The following KCNAB2 variants were observed in gnomAD, a reference collection of about 807,000 sequenced individuals.
The protein encoded by KCNAB2 is voltage-gated potassium channel subunit beta-2.
KCNAB2 carries 29 observed loss-of-function variants against 63.6 expected under a neutral mutation model. The observed-to-expected ratio is 0.46, with a 90% CI of 0.34 to 0.62. KCNAB2 has a LOEUF of 0.62. KCNAB2 is among the 20% of genes least tolerant of loss of function. The pLI, the probability that KCNAB2 is intolerant of heterozygous loss-of-function variation, is 0.01. For missense variants in KCNAB2, 359 were observed against 563.9 expected (o/e 0.64, Z 3.68); for synonymous variants, 222 against 224.2 (o/e 0.99, Z 0.09).
At chr1:6,057,925 T>C (rs1030014001) in intron 2 of KCNAB2, among the ~76,000 whole-genome samples, 1 of 152,140 alleles carries the variant, frequency 6.6e-6, no homozygotes. Context: ...CTGAGGCAAG[T>C]GGATCACTTG....
intron 9 of KCNAB2, among the ~76,000 whole-genome samples, chr1:6,090,989 C>A (rs1164268130): frequency 6.6e-6 from 1 of 152,222 alleles, no homozygotes; most frequent in Non-Finnish European, 1.5e-5. Context: ...GCGATCTCAG[C>A]CCCCTCCGCT....
rs1010941011 is a variant in KCNAB2, at chr1:6,087,538, C to T, written c.470+27C>T. ...TAGGTGCAACAGCTGGCGATGCTTCCAGCCCCGGCCCAGCAGCCACGGCCC... is the reference window on the plus strand; with the variant it reads ...TAGGTGCAACAGCTGGCGATGCTTCTAGCCCCGGCCCAGCAGCCACGGCCC... On this transcript the variant is annotated intron_variant, in intron 7 of 15. Transcript: ENST00000378083. The surrounding 1 kb of genome is among the most constrained non-coding windows in gnomAD (Gnocchi z 6.4). 3.7e-6 allele frequency: 6 copies of T among 1,613,384 alleles called. No homozygotes were observed. The Admixed American group carries it at 5.0e-5, about 13-fold the overall frequency.
intron 11 of KCNAB2, 132 bp from the exon 12 acceptor site, chr1:6,095,191 G>A (rs1327227881): frequency 4.2e-6 from 4 of 944,520 alleles, no homozygotes; most frequent in African/African-American, 3.3e-5. Context: ...AGTGTGAGCA[G>A]TGGGGAGCCC....
At chr1:6,076,290 G>T (rs1557487470) in intron 4 of KCNAB2, among the ~76,000 whole-genome samples, 2 of 152,214 alleles carry the variant, frequency 1.3e-5, no homozygotes, top group Non-Finnish European at 1.5e-5. Flanking sequence ...TCCACAGTTT[G>T]TAGGACACCA....
rs1055085615 is a variant in KCNAB2, at chr1:6,087,655, G to T, written c.470+144G>T. 33 of 830,498 alleles carry T rather than the reference G, an allele frequency of 4.0e-5. No homozygotes were observed. Among genetic ancestry groups the T allele is most frequent in the Non-Finnish European group, 5.7e-5 (29 of 510,076 alleles). The allele number at this position is 830,498 out of a possible 1,614,324, so 51.4% of individuals were successfully genotyped here. ...AGGGAGAGTGGTCGGGGTCTGTCCT[G>T]GACAGGCCCCGGCCCAGTGCCATTT... On this transcript the variant is annotated intron_variant, in intron 7 of 15. Coordinates refer to ENST00000378083, the MANE Select transcript of KCNAB2 (RefSeq NM_001199862.2). This position sits in a 1 kb window ranked among gnomAD's most constrained non-coding sequence, Gnocchi z 6.4.
upstream of KCNAB2, among the ~76,000 whole-genome samples, chr1:6,045,651 G>A (rs1228734936): frequency 1.3e-5 from 2 of 152,188 alleles, no homozygotes; most frequent in Admixed American, 6.5e-5. The surrounding 1 kb of genome is among the most constrained non-coding windows in gnomAD (Gnocchi z 4.8). Context: ...GGCCCCATAC[G>A]ACGGGGCCCC....
At chr1:6,001,417 G>C (rs1373443480) in intron 1 of KCNAB2, among the ~76,000 whole-genome samples, 1 of 152,176 alleles carries the variant, frequency 6.6e-6, no homozygotes, top group African/African-American at 2.4e-5. Context: ...TTCTGGCTAA[G>C]CCTCCGGGGG....
intron 1 of KCNAB2, among the ~76,000 whole-genome samples, chr1:6,015,579 C>T (rs1658445633): frequency 6.6e-6 from 1 of 152,252 alleles, no homozygotes; most frequent in Admixed American, 6.5e-5. Context: ...TGCGTAAGCA[C>T]CCTGGGGAAG....
intron 1 of KCNAB2, among the ~76,000 whole-genome samples, chr1:6,027,681 C>CT (rs1033700319): frequency 1.3e-5 from 2 of 152,150 alleles, no homozygotes; most frequent in African/African-American, 4.8e-5. Flanking sequence ...AAATTTCTAG[C>CT]TTGTGATCTT....
chr1:6,033,182 AGT>A (rs993914997), upstream of KCNAB2, among the ~76,000 whole-genome samples: 10 of 152,014 alleles, frequency 6.6e-5, no homozygotes, highest in Admixed American at 2.0e-4. Flanking sequence ...TTCAGAGAAA[AGT>A]GTGTGTGTGC....
chr1:6,091,335 G>A (rs1665170074), intron 10 of KCNAB2, 28 bp downstream of exon 10: 1 of 1,484,008 alleles, frequency 6.7e-7, no homozygotes, highest in African/African-American at 1.4e-5. Context: ...CCTGACTATT[G>A]ACTTCTGTGT....
chr1:6,069,699 G>A lies in KCNAB2; in HGVS notation c.219-3056G>A, dbSNP rs1663040062. 2.0e-5 allele frequency among the ~76,000 whole-genome samples: 3 copies of A among 152,176 alleles called. No individual in the cohort carries two copies. The highest frequency in any genetic ancestry group is 1.3e-4 in the Admixed American group (2 of 15,286). On this transcript the variant is annotated intron_variant, in intron 2 of 15. Transcript: ENST00000378083. The surrounding 1 kb of genome is among the most constrained non-coding windows in gnomAD (Gnocchi z 5.4). ...GAGACGTGTGCTCCCCACCCCACAC[G>A]CAGCAGCCATGCTTACAAAGCGTTC...
Position 6,099,658 on chromosome 1 carries a change from C to G in KCNAB2, c.*1084C>G. ...GGTTTTGTGGAGCGCATGCTTGGAC[C>G]CTTTCAGTAAGGAAGGGTCTTTGGG... On this transcript the variant is annotated 3_prime_UTR_variant, in exon 16 of 16. Coordinates refer to ENST00000378083, the MANE Select transcript of KCNAB2 (RefSeq NM_001199862.2). The G allele has an allele frequency of 8.5e-7, 1 of 1,170,678 alleles. No individual in the cohort carries two copies. The highest frequency in any genetic ancestry group is 1.2e-6 in the Non-Finnish European group (1 of 863,240). The allele number at this position is 1,170,678 out of a possible 1,614,324, so 72.5% of individuals were successfully genotyped here. A position where few individuals can be genotyped will look rare whatever the true frequency, so the allele number is the denominator to read the frequency against.
chr1:6,049,548 G>A (rs567282212), intron 1 of KCNAB2, among the ~76,000 whole-genome samples: 7 of 152,356 alleles, frequency 4.6e-5, no homozygotes, highest in African/African-American at 1.2e-4. Context: ...GTGCAGAGGT[G>A]CAGACAGCAC....
At chr1:6,034,900 C>G (rs942432291) in intron 1 of KCNAB2, 1 of 152,390 alleles carries the variant, frequency 6.6e-6, no homozygotes, top group Admixed American at 6.5e-5. Context: ...TTCCCGGAGC[C>G]GGCATCTTGG....
chr1:6,051,618 C>G lies in KCNAB2; in HGVS notation c.82C>G (p.Gln28Glu), dbSNP rs1435409661. Residue 28 changes from glutamine to glutamate, a missense_variant, in exon 2 of 16, where the codon CAG becomes GAG. Around this residue, in one of 2 missense-constraint regions of KCNAB2, gnomAD observed 88 missense variants for 87.8 expected, o/e 1.00. Transcript: ENST00000378083. ...HSEWALHPVR[Q>E]TDTLELQRLR... ...TGAATGGGCCCTGCACCCCGTCCGCCAGACGGACACGCTGGAACTGCAGCG... is the reference window on the plus strand; with the variant it reads ...TGAATGGGCCCTGCACCCCGTCCGCGAGACGGACACGCTGGAACTGCAGCG... The G allele has an allele frequency of 4.6e-6, 7 of 1,534,668 alleles. No individual in the cohort carries two copies. The East Asian group carries it at 7.3e-5, about 16-fold the overall frequency.
chr1:6,017,889 ATGT>A (rs1470772302), intron 1 of KCNAB2, among the ~76,000 whole-genome samples: 1 of 151,058 alleles, frequency 6.6e-6, no homozygotes, highest in Non-Finnish European at 1.5e-5. Context: ...CCTGGAGGAG[ATGT>A]TGTCCTGGAA....
intron 2 of KCNAB2, among the ~76,000 whole-genome samples, chr1:6,062,445 A>G (rs942054136): frequency 6.6e-6 from 1 of 152,216 alleles, no homozygotes; most frequent in Non-Finnish European, 1.5e-5. Context: ...GTCCCTTAGT[A>G]TCATATCATA....
Position 6,073,759 on chromosome 1 carries a change from A to C in KCNAB2, c.289A>C (p.Ile97Leu). ...AACATGGGTGACCTTCGGAGGCCAGATCACCGATGAGGTAAGATGGGGCTC... is the reference window on the plus strand; with the variant it reads ...AACATGGGTGACCTTCGGAGGCCAGCTCACCGATGAGGTAAGATGGGGCTC... ...LGTWVTFGGQ[I>L]TDEMAEQLMT... Residue 97 changes from isoleucine (I) to leucine (L), a missense_variant, in exon 4 of 16, where the codon ATC (isoleucine) becomes CTC (leucine). Transcript: ENST00000378083. This position sits in a 1 kb window ranked among gnomAD's most constrained non-coding sequence, Gnocchi z 5.7. 2 of 1,614,154 alleles carry C rather than the reference A, an allele frequency of 1.2e-6. No individual in the cohort carries two copies. Among genetic ancestry groups the C allele is most frequent in the Admixed American group, 1.7e-5 (1 of 60,028 alleles).
Sources: gnomAD v4.1 joint callset for allele counts (sites outside exome capture counted in the v4.1 genomes callset) on GRCh38, gnomAD v4.1.1 for gene constraint, gnomAD v4.1.1 regional missense constraint, Gnocchi (gnomAD v3.1) non-coding constraint, MANE v1.5 for transcripts, NCBI Gene and HGNC (gene_info 2026-07-23, HGNC 2026-07-21) for gene names.